Variants in MYO1E observed in about 807,000 individuals in gnomAD.
The protein encoded by MYO1E is myosin IE.
Under a neutral mutation model 151.1 loss-of-function variants are expected in MYO1E, and 68 were observed. The ratio of observed to expected loss-of-function variants is 0.45; its 90% CI spans 0.37 to 0.55. The LOEUF (loss-of-function observed/expected upper bound fraction) is 0.55. MYO1E is among the 20% of genes least tolerant of loss of function. The pLI is 0.00. For missense variants in MYO1E, 1,363 were observed against 1,389.3 expected, an observed-to-expected ratio of 0.98 and a Z score of 0.30; for synonymous variants, 601 against 501.7, an observed-to-expected ratio of 1.20 and a Z score of -2.64.
chr15:59,154,318 G>C (rs1198696677), intron 25 of MYO1E, among the ~76,000 whole-genome samples: 1 of 152,194 alleles, frequency 6.6e-6, no homozygotes, highest in African/African-American at 2.4e-5. Flanking sequence ...GGCAGAGGGG[G>C]TGCTCTACAC....
chr15:59,146,826 A>T (rs562378644), intron 26 of MYO1E, among the ~76,000 whole-genome samples: 1 of 152,024 alleles, frequency 6.6e-6, no homozygotes, highest in Non-Finnish European at 1.5e-5. Context: ...TTTCTGTACA[A>T]TCCAATTTAG....
intron 1 of MYO1E, among the ~76,000 whole-genome samples, chr15:59,356,050 T>A (rs1208751763): frequency 6.6e-6 from 1 of 152,206 alleles, no homozygotes. Flanking sequence ...TCTACACTTG[T>A]GAAAATCACT....
At chr15:59,188,752 G>C (rs2079714970) in intron 17 of MYO1E, among the ~76,000 whole-genome samples, 1 of 151,584 alleles carries the variant, frequency 6.6e-6, no homozygotes, top group African/African-American at 2.4e-5. Flanking sequence ...TTAAATAACA[G>C]GGCATTACAT....
At chr15:59,372,148 GC>G (rs1229130759) in intron 1 of MYO1E, among the ~76,000 whole-genome samples, 1 of 151,246 alleles carries the variant, frequency 6.6e-6, no homozygotes, top group Non-Finnish European at 1.5e-5. Context: ...TGCCGGCTGC[GC>G]CCCCCACGTC....
intron 26 of MYO1E, among the ~76,000 whole-genome samples, chr15:59,147,055 G>A (rs2079445447): frequency 6.6e-6 from 1 of 152,152 alleles, no homozygotes; most frequent in African/African-American, 2.4e-5. Flanking sequence ...TGCAAGAGAA[G>A]TCCTATATTA....
intron 1 of MYO1E, among the ~76,000 whole-genome samples, chr15:59,362,976 CTTTTTTTTT>C (rs34810328): frequency 7.8e-6 from 1 of 127,598 alleles, no homozygotes; most frequent in Non-Finnish European, 1.6e-5. Context: ...GTATGACTTT[CTTTTTTTTT>C]TTTTTTTTGA....
intron 19 of MYO1E, among the ~76,000 whole-genome samples, chr15:59,176,401 C>A (rs1365128033): frequency 6.6e-6 from 1 of 150,976 alleles, no homozygotes; most frequent in Non-Finnish European, 1.5e-5. Flanking sequence ...TTTGTATATT[C>A]AGAACATTTA....
Position 59,193,893 on chromosome 15 carries a change from G to A in MYO1E, c.1805+1568C>T, listed in dbSNP as rs568742789. On this transcript the variant is annotated intron_variant, in intron 17 of 27. Transcript: ENST00000288235. ...AGATTCAATAGAAAAGATGCCTTAA[G>A]CGGTCAGGGGTGGTGGCTCACACCT... 1.2e-3 allele frequency among the ~76,000 whole-genome samples: 187 copies of A among 152,224 alleles called. 2 individuals are homozygous for A. Among genetic ancestry groups the A allele is most frequent in the African/African-American group, 2.1e-3 (89 of 41,534 alleles).
chr15:59,364,464 A>C (rs1319762389), intron 1 of MYO1E, among the ~76,000 whole-genome samples: 4 of 152,238 alleles, frequency 2.6e-5, no homozygotes, highest in Admixed American at 6.5e-5. Flanking sequence ...TACAGTTATG[A>C]CACACAGTGA....
intron 1 of MYO1E, among the ~76,000 whole-genome samples, chr15:59,299,215 T>C (rs1197295312): frequency 1.3e-5 from 2 of 152,258 alleles, no homozygotes; most frequent in African/African-American, 4.8e-5. Flanking sequence ...GTTTTCCATT[T>C]TGACGGTAAA....
rs904667766 is a variant in MYO1E, at chr15:59,214,518, T to A, written c.1188+122A>T. ...CAAAGGCAAAAATGAGCCTGAGTTG[T>A]TTTTTTTGTTGTTGTGGTTTGTTTT... On this transcript the variant is annotated intron_variant, in intron 11 of 27. Transcript: ENST00000288235. 1.3e-5 allele frequency: 14 copies of A among 1,063,416 alleles called. No homozygotes were observed. The African/African-American group carries it at 2.2e-4, about 17-fold the overall frequency. The allele number at this position is 1,063,416 out of a possible 1,614,324, so 65.9% of individuals were successfully genotyped here.
intron 17 of MYO1E, among the ~76,000 whole-genome samples, chr15:59,194,098 C>T (rs1330164990): frequency 1.3e-5 from 2 of 151,722 alleles, no homozygotes; most frequent in African/African-American, 4.9e-5. Context: ...CACTGGAAAC[C>T]GGGAGGCAGA....
At chr15:59,297,152 A>G (rs1195272532) in intron 1 of MYO1E, among the ~76,000 whole-genome samples, 1 of 151,728 alleles carries the variant, frequency 6.6e-6, no homozygotes, top group Non-Finnish European at 1.5e-5. Context: ...GCACCCGGCC[A>G]GGAAATTTAA....
At position 59,210,534 on chromosome 15, in the gene MYO1E, C is replaced by T. The variant is rs765720526; in HGVS notation, c.1342G>A (p.Asp448Asn). Residue 448 changes from aspartate (D) to asparagine (N), a missense_variant, in exon 13 of 28, where the codon GAC (aspartate) becomes AAC (asparagine). Asp to Asn is a conservative substitution (Grantham distance 23). Coordinates refer to ENST00000288235, the MANE Select transcript of MYO1E (RefSeq NM_004998.4). Reference sequence around the variant, plus strand: ...CTTACCACTTTGTTCTCTATGAGGTCACATACGATTTTATTATTAAAGTAC... The same window carrying T: ...CTTACCACTTTGTTCTCTATGAGGTTACATACGATTTTATTATTAAAGTAC... ...IEYFNNKIVC[D>N]LIENKVNPPG... 2 of 1,599,864 alleles carry T rather than the reference C, an allele frequency of 1.3e-6. No individual in the cohort carries two copies. Among genetic ancestry groups the T allele is most frequent in the South Asian group, 2.2e-5 (2 of 90,724 alleles).
At chr15:59,174,573 A>G (rs558937293) in intron 19 of MYO1E, among the ~76,000 whole-genome samples, 1 of 152,212 alleles carries the variant, frequency 6.6e-6, no homozygotes, top group Middle Eastern at 3.4e-3. Flanking sequence ...ACCTTGATCC[A>G]AAGAGTGTAT....
In MYO1E at chr15:59,214,122, AAT is replaced by A. The variant is rs142112146; in HGVS notation, c.1275+104_1275+105del. ...CCTGACTTTATTAGATGCATTTCCT[AAT>A]ATAAGACTGGAACCGAAATCTATTA... On this transcript the variant is annotated intron_variant, in intron 12 of 27. Transcript: ENST00000288235. 2,765 of 881,382 alleles carry A rather than the reference AAT, an allele frequency of 3.1e-3. 54 individuals carry two copies. The African/African-American group carries it at 0.043, about 14-fold the overall frequency. The allele number at this position is 881,382 out of a possible 1,614,324, so 54.6% of individuals were successfully genotyped here. A position where few individuals can be genotyped will look rare whatever the true frequency, so the allele number is the denominator to read the frequency against.
chr15:59,208,619 A>T (rs1246351876), intron 14 of MYO1E, 62 bp downstream of exon 14: 3 of 1,586,080 alleles, frequency 1.9e-6, no homozygotes, highest in Non-Finnish European at 2.6e-6. Context: ...GCTTCATGAG[A>T]AACCAGATCA....
Position 59,161,142 on chromosome 15 carries a change from G to A in MYO1E, c.2716C>T (p.Leu906=). 6.2e-7 allele frequency: 1 copy of A among 1,614,128 alleles called. No homozygotes were observed. Among genetic ancestry groups the A allele is most frequent in the Non-Finnish European group, 8.5e-7 (1 of 1,180,042 alleles). ...TTGTTACTGGGCTTGAGGACAGCCA[G>A]GTCCCCAAACCCTTGGTGGAACTGC... is the stretch of plus-strand genomic sequence containing the variant. ...QVQFHQGFGD[L]AVLKPSNKVL... The change falls in exon 24 of 28, where the codon CTG becomes TTG. Residue 906 remains leucine, a synonymous_variant. Transcript: ENST00000288235.
At chr15:59,158,920 C>T (rs1307116677) in intron 24 of MYO1E, among the ~76,000 whole-genome samples, 1 of 152,152 alleles carries the variant, frequency 6.6e-6, no homozygotes, top group African/African-American at 2.4e-5. Flanking sequence ...GAATGAGGAA[C>T]AAGCTGGGGC....
Sources: allele counts gnomAD v4.1 joint callset (sites outside exome capture counted in the v4.1 genomes callset), GRCh38; gene constraint gnomAD v4.1.1; transcripts MANE v1.5; gene names NCBI Gene and HGNC (gene_info 2026-07-23, HGNC 2026-07-21).